The following TRANK1 variants were observed in gnomAD, a reference collection of about 807,000 sequenced individuals.
TRANK1 encodes tetratricopeptide repeat and ankyrin repeat containing 1, also known as TPR and ankyrin repeat-containing protein 1.
A neutral mutation model predicts 266.0 loss-of-function variants in TRANK1; 198 were observed. The observed-to-expected ratio is 0.74, with a 90% CI of 0.66 to 0.84. The LOEUF (loss-of-function observed/expected upper bound fraction) is 0.84, where lower values mean the gene tolerates loss of function less well. TRANK1 is among the 40% of genes least tolerant of loss of function. TRANK1 has a pLI of 0.00. For missense variants in TRANK1, 3,326 were observed against 3,634.6 expected, an observed-to-expected ratio of 0.92 and a Z score of 2.18; for synonymous variants, 1,396 against 1,384.1, an observed-to-expected ratio of 1.01 and a Z score of -0.19.
At position 36,833,172 on chromosome 3, in the gene TRANK1, T is replaced by C. The variant is rs2078721044; in HGVS notation, c.6411A>G (p.Ile2137Met). 6.2e-7 allele frequency: 1 copy of C among 1,613,802 alleles called. No homozygotes were observed. Residue 2137 changes from isoleucine to methionine, a missense_variant, in exon 22 of 24, where the codon ATA becomes ATG. Physicochemically the swap from Ile to Met is conservative, Grantham distance 10 (BLOSUM62 1). Coordinates refer to ENST00000645898, the MANE Select transcript of TRANK1 (RefSeq NM_001329998.2). Reference sequence around the variant, plus strand: ...AATCCAGGTCAAAAATTATTCTTAATATGGGCCCAGGGTCATTCTGAGCTA... The same window carrying C: ...AATCCAGGTCAAAAATTATTCTTAACATGGGCCCAGGGTCATTCTGAGCTA... ...CQIAQNDPGP[I>M]LRIIFDLDLN... is the part of the protein sequence containing the mutation.
chr3:36,924,821 G>A (rs1251046911), intron 1 of TRANK1, among the ~76,000 whole-genome samples: 2 of 152,270 alleles, frequency 1.3e-5, no homozygotes, highest in Non-Finnish European at 2.9e-5. Context: ...CACAAGCTTG[G>A]CCACTGGAAA....
intron 17 of TRANK1, among the ~76,000 whole-genome samples, chr3:36,844,995 C>A (rs74824490): frequency 6.6e-6 from 1 of 151,772 alleles, no homozygotes; most frequent in African/African-American, 2.4e-5. Context: ...TCTCAGTTAT[C>A]GTATCAGGAG....
At chr3:36,940,015 C>T (rs929260678) in intron 1 of TRANK1, among the ~76,000 whole-genome samples, 7 of 151,930 alleles carry the variant, frequency 4.6e-5, no homozygotes, top group East Asian at 2.0e-4. Context: ...CTCAGCCTCC[C>T]GAGTAGCTAG....
chr3:36,856,719 C>T lies in TRANK1; in HGVS notation c.3003G>A (p.Glu1001=), dbSNP rs752577997. 176 of 1,613,934 alleles carry T rather than the reference C, an allele frequency of 1.1e-4. No homozygotes were observed. Among genetic ancestry groups the T allele is most frequent in the Non-Finnish European group, 1.5e-4 (173 of 1,179,910 alleles). Reference sequence around the variant, plus strand: ...TGACATGCTCCCTGCCCTTCTCGGCCTCTGTGTCCTCCACATAGCAGCGAG... The same window carrying T: ...TGACATGCTCCCTGCCCTTCTCGGCTTCTGTGTCCTCCACATAGCAGCGAG... The part of the protein sequence containing the change: ...RIPRCYVEDT[E]AEKGREHVNP... Residue 1001 remains glutamate (E), a synonymous_variant, in exon 13 of 24, where the codon GAG becomes GAA. Coordinates refer to ENST00000645898, the MANE Select transcript of TRANK1 (RefSeq NM_001329998.2).
intron 1 of TRANK1, among the ~76,000 whole-genome samples, chr3:36,943,203 G>T (rs887607834): frequency 6.6e-6 from 1 of 151,454 alleles, no homozygotes; most frequent in Admixed American, 6.6e-5. Context: ...TGGGGGGTGG[G>T]GGGAGGGAAT....
intron 1 of TRANK1, among the ~76,000 whole-genome samples, chr3:36,915,610 A>C (rs890810664): frequency 6.6e-6 from 1 of 152,208 alleles, no homozygotes; most frequent in African/African-American, 2.4e-5. Flanking sequence ...TGGTGAAAGG[A>C]TGGCCACTAT....
chr3:36,901,211 G>C (rs1209431213), intron 3 of TRANK1, among the ~76,000 whole-genome samples: 1 of 150,944 alleles, frequency 6.6e-6, no homozygotes, highest in African/African-American at 2.4e-5. Context: ...AGATTCAACA[G>C]ATGCAAAAAG....
intron 1 of TRANK1, among the ~76,000 whole-genome samples, chr3:36,940,219 C>A (rs1166248648): frequency 1.3e-5 from 2 of 150,030 alleles, no homozygotes; most frequent in Non-Finnish European, 3.0e-5. Context: ...GCTCCTTGGC[C>A]GGGCGCAGTG....
At chr3:36,916,638 T>C (rs1038837297) in intron 1 of TRANK1, among the ~76,000 whole-genome samples, 2 of 152,118 alleles carry the variant, frequency 1.3e-5, no homozygotes, top group Admixed American at 6.5e-5. Flanking sequence ...AATAAGCCAA[T>C]GTAAAATGGA....
chr3:36,850,829 T>A (rs1337685194), intron 15 of TRANK1: 1 of 985,276 alleles, frequency 1.0e-6, no homozygotes, highest in African/African-American at 1.7e-5. Flanking sequence ...GGGCAGATTT[T>A]TAAAGTGTTA....
chr3:36,885,811 A>G (rs1252023656), intron 8 of TRANK1, among the ~76,000 whole-genome samples: 1 of 151,986 alleles, frequency 6.6e-6, no homozygotes, highest in Non-Finnish European at 1.5e-5. Context: ...TAGTGCTGGG[A>G]TTACAGGCAG....
Position 36,861,096 on chromosome 3 carries a change from T to C in TRANK1, c.1305A>G (p.Leu435=). The part of the protein sequence containing the change: ...QDCATTVFKF[L]LEKQRWPEVL... ...CCTCAGGCCATCTCTGTTTTTCCAATAAGAATTTGAAGACGGTGGTGGCAC... is the reference window on the plus strand; with the variant it reads ...CCTCAGGCCATCTCTGTTTTTCCAACAAGAATTTGAAGACGGTGGTGGCAC... Residue 435 remains leucine, a synonymous_variant, in exon 11 of 24, where the codon TTA becomes TTG. Transcript: ENST00000645898. 6.5e-7 allele frequency: 1 copy of C among 1,537,564 alleles called. No homozygotes were observed. The highest frequency in any genetic ancestry group is 2.4e-5 in the East Asian group (1 of 40,924).
chr3:36,829,651 T>C lies in TRANK1; in HGVS notation c.8722A>G (p.Met2908Val). ...ATCAGAATGTTGACCAGCCGAGTCATCGCCTCCTCCGCTTCAGAAACCAAA... is the reference window on the plus strand; with the variant it reads ...ATCAGAATGTTGACCAGCCGAGTCACCGCCTCCTCCGCTTCAGAAACCAAA... ...RKAWAGAEEA[M>V]TRLVNILILS... The change falls in exon 23 of 24, where the codon ATG becomes GTG. Residue 2908 changes from methionine (M) to valine (V), a missense_variant. Physicochemically the swap from Met to Val is conservative, Grantham distance 21. Transcript: ENST00000645898. The C allele has an allele frequency of 6.2e-7, 1 of 1,613,846 alleles. No individual in the cohort carries two copies. Among genetic ancestry groups the C allele is most frequent in the Non-Finnish European group, 8.5e-7 (1 of 1,179,888 alleles).
intron 1 of TRANK1, among the ~76,000 whole-genome samples, chr3:36,917,464 A>C (rs1027400714): frequency 6.6e-6 from 1 of 152,226 alleles, no homozygotes; most frequent in Non-Finnish European, 1.5e-5. Flanking sequence ...GGCAGGAGAC[A>C]CAGAGAACCA....
Position 36,892,886 on chromosome 3 carries a change from T to G in TRANK1, c.636+15A>C, listed in dbSNP as rs9682379. On this transcript the variant is annotated intron_variant, in intron 6 of 23. Transcript: ENST00000645898. The stretch of plus-strand genomic sequence containing the variant: ...ATATATATATAGATATATATAGATA[T>G]ATATATCACCTTACCTCAAAGAGAC... 18 of 1,142,878 alleles carry G rather than the reference T, an allele frequency of 1.6e-5. No individual in the cohort carries two copies. In the South Asian group the frequency reaches 1.8e-4, roughly 11 times the overall value. 70.8% of individuals were successfully genotyped at this position (1,142,878 alleles called of 1,614,324 possible). A position where few individuals can be genotyped will look rare whatever the true frequency, so the allele number is the denominator to read the frequency against.
At chr3:36,929,901 G>A (rs1319610908) in intron 1 of TRANK1, among the ~76,000 whole-genome samples, 1 of 151,986 alleles carries the variant, frequency 6.6e-6, no homozygotes, top group Non-Finnish European at 1.5e-5. Flanking sequence ...TGTTGTTGTT[G>A]TTGTTGTTGT....
chr3:36,895,112 G>C (rs901067859), intron 5 of TRANK1, among the ~76,000 whole-genome samples: 1 of 152,238 alleles, frequency 6.6e-6, no homozygotes, highest in African/African-American at 2.4e-5. Flanking sequence ...AAAATAGTAA[G>C]TGGGGGATTC....
At chr3:36,928,804 A>C (rs2125659549) in intron 1 of TRANK1, among the ~76,000 whole-genome samples, 1 of 152,342 alleles carries the variant, frequency 6.6e-6, no homozygotes, top group East Asian at 1.9e-4. Context: ...CTTAAAAAAA[A>C]AGTATTTTTA....
chr3:36,918,262 T>C (rs1575314898), intron 1 of TRANK1, among the ~76,000 whole-genome samples: 1 of 151,664 alleles, frequency 6.6e-6, no homozygotes. Flanking sequence ...GAAGGAGAAA[T>C]GGGAAGTTGT....
Sources: gnomAD v4.1 joint callset for allele counts (sites outside exome capture counted in the v4.1 genomes callset) on GRCh38, gnomAD v4.1.1 for gene constraint, MANE v1.5 for transcripts, NCBI Gene and HGNC (gene_info 2026-07-23, HGNC 2026-07-21) for gene names.